DOCK1: variants seen among roughly 807,000 people sequenced by gnomAD.
The protein encoded by DOCK1 is dedicator of cytokinesis protein 1.
Under a neutral mutation model 262.7 loss-of-function variants are expected in DOCK1, and 138 were observed. The observed-to-expected ratio is 0.53, with a 90% CI of 0.46 to 0.61. DOCK1 has a LOEUF of 0.61. Ranked by LOEUF, DOCK1 falls within the 20% of genes least tolerant of loss-of-function variation. The pLI, the probability that DOCK1 is intolerant of heterozygous loss-of-function variation, is 0.00. For synonymous variants in DOCK1, 866 were observed against 867.4 expected, an observed-to-expected ratio of 1.00 and a Z score of 0.03; for missense variants, 1,908 against 2,370.7, an observed-to-expected ratio of 0.80 and a Z score of 4.05.
intron 33 of DOCK1, among the ~76,000 whole-genome samples, chr10:127,362,855 G>A (rs1288075759): frequency 0.025 from 631 of 24,936 alleles, 66 homozygotes; most frequent in Middle Eastern, 0.062. Context: ...ACACACACAT[G>A]TACATCCCCA....
chr10:127,368,052 G>A (rs1195348805), intron 33 of DOCK1, among the ~76,000 whole-genome samples: 3 of 152,142 alleles, frequency 2.0e-5, no homozygotes, highest in Non-Finnish European at 4.4e-5. Context: ...GGCCACTGTG[G>A]ACATCTGGGG....
chr10:127,319,428 C>T (rs892226567), intron 29 of DOCK1, among the ~76,000 whole-genome samples: 3 of 152,136 alleles, frequency 2.0e-5, no homozygotes, highest in Admixed American at 6.5e-5. Context: ...TGCATGTGTT[C>T]GGCGGGCGGG....
Position 127,024,735 on chromosome 10 carries a change from T to G in DOCK1, c.1503T>G (p.Ser501=). The change falls in exon 15 of 52, where the codon TCT becomes TCG. Residue 501 remains serine (S), a synonymous_variant. Coordinates refer to ENST00000623213, the MANE Select transcript of DOCK1 (RefSeq NM_001290223.2). ...AGDEAISEYK[S]VIYYQVKQPR... ...ATGAAGCGATTTCAGAGTACAAATC[T>G]GTGATTTACTACCAAGTAAAGCAGC... 6.2e-7 allele frequency: 1 copy of G among 1,612,660 alleles called. No individual in the cohort carries two copies. The highest frequency in any genetic ancestry group is 2.2e-5 in the East Asian group (1 of 44,862).
In DOCK1 at chr10:127,439,031, G is replaced by C. The variant is rs886680655; in HGVS notation, c.5065G>C (p.Ala1689Pro). The C allele has an allele frequency of 1.1e-5, 17 of 1,550,900 alleles. No homozygotes were observed. The highest frequency in any genetic ancestry group is 1.4e-5 in the African/African-American group (1 of 72,878). Residue 1689 changes from alanine (A) to proline (P), a missense_variant, in exon 49 of 52, where the codon GCC (alanine) becomes CCC (proline). This residue lies in a region of DOCK1 where 383 missense variants were observed against 420.1 expected (regional missense o/e 0.91). Transcript: ENST00000623213. ...TPSRPGSDGF[A>P]LEPLLPKKMH... ...CGTCATTGACCTTTCCTTTAGGTTT[G>C]CCCTGGAGCCTCTCCTGCCAAAGAA... is the stretch of plus-strand genomic sequence containing the variant.
chr10:127,425,454 A>G lies in DOCK1; in HGVS notation c.4777-420A>G, dbSNP rs1439538538. 3.9e-5 allele frequency among the ~76,000 whole-genome samples: 6 copies of G among 152,230 alleles called. No homozygotes were observed. The East Asian group carries it at 7.7e-4, about 20-fold the overall frequency. On this transcript the variant is annotated intron_variant, in intron 46 of 51. Coordinates refer to ENST00000623213, the MANE Select transcript of DOCK1 (RefSeq NM_001290223.2). ...CAAAAAAGGAAGATTTTTCAGGACT[A>G]TAGATCACATGTAATTACCTTTTGG...
At chr10:127,436,353 C>CA (rs1004223672) in intron 48 of DOCK1, among the ~76,000 whole-genome samples, 6 of 152,054 alleles carry the variant, frequency 3.9e-5, no homozygotes, top group African/African-American at 1.4e-4. Flanking sequence ...CCCATCTCTA[C>CA]AAAAAAATAT....
intron 27 of DOCK1, among the ~76,000 whole-genome samples, chr10:127,178,552 C>T (rs540321698): frequency 3.3e-5 from 5 of 152,324 alleles, no homozygotes; most frequent in South Asian, 4.1e-4. Context: ...TGCATTAGCC[C>T]TTGCACCTCT....
At chr10:127,055,236 G>C (rs938762427) in intron 22 of DOCK1, among the ~76,000 whole-genome samples, 5 of 152,114 alleles carry the variant, frequency 3.3e-5, no homozygotes, top group African/African-American at 1.2e-4. Flanking sequence ...TGAGGACTCA[G>C]CGTCCTGATG....
chr10:127,373,704 A>T, intron 33 of DOCK1, 77 bp from the exon 34 acceptor site: 1 of 1,336,186 alleles, frequency 7.5e-7, no homozygotes, highest in South Asian at 1.3e-5. Flanking sequence ...TTGCCGATTT[A>T]TGTTCTATTG....
chr10:127,051,177 C>T (rs2044699403), intron 21 of DOCK1, among the ~76,000 whole-genome samples: 1 of 151,860 alleles, frequency 6.6e-6, no homozygotes, highest in Non-Finnish European at 1.5e-5. Flanking sequence ...TAAATGTTTT[C>T]ATATTAGGAT....
chr10:127,177,953 C>A (rs1268300294), intron 27 of DOCK1, among the ~76,000 whole-genome samples: 1 of 152,190 alleles, frequency 6.6e-6, no homozygotes, highest in East Asian at 1.9e-4. Flanking sequence ...GAGCAGGACC[C>A]TACTTTAGTG....
chr10:126,977,336 G>A (rs2038622942), intron 2 of DOCK1, among the ~76,000 whole-genome samples: 2 of 152,166 alleles, frequency 1.3e-5, no homozygotes, highest in African/African-American at 2.4e-5. Flanking sequence ...CTCGCCACTT[G>A]GAAGGAGCGA....
At chr10:127,035,457 T>C (rs369544603) in intron 18 of DOCK1, among the ~76,000 whole-genome samples, 7 of 152,124 alleles carry the variant, frequency 4.6e-5, no homozygotes, top group African/African-American at 1.4e-4. Flanking sequence ...GGCAGCCTCA[T>C]GGGGGCTGGA....
intron 29 of DOCK1, among the ~76,000 whole-genome samples, chr10:127,322,584 C>T (rs951541442): frequency 3.9e-5 from 6 of 152,114 alleles, no homozygotes; most frequent in African/African-American, 1.4e-4. Context: ...GTGTGTGTCC[C>T]ACAAGCTAGG....
At chr10:127,407,802 C>T (rs1225507330) in intron 40 of DOCK1, among the ~76,000 whole-genome samples, 1 of 152,084 alleles carries the variant, frequency 6.6e-6, no homozygotes, top group African/African-American at 2.4e-5. Flanking sequence ...AGAAGCACCT[C>T]AGCAACCACG....
intron 23 of DOCK1, among the ~76,000 whole-genome samples, chr10:127,070,576 A>G (rs2046170186): frequency 6.6e-6 from 1 of 151,872 alleles, no homozygotes; most frequent in Non-Finnish European, 1.5e-5. Flanking sequence ...TGAAGGACAC[A>G]GTTTCACCCA....
chr10:127,268,555 T>G (rs2060455023), intron 29 of DOCK1, among the ~76,000 whole-genome samples: 1 of 150,960 alleles, frequency 6.6e-6, no homozygotes, highest in Non-Finnish European at 1.5e-5. Flanking sequence ...TATATGTGAT[T>G]TATTGCAGTG....
At chr10:127,441,652 A>C (rs1373500220) in intron 49 of DOCK1, among the ~76,000 whole-genome samples, 1 of 151,986 alleles carries the variant, frequency 6.6e-6, no homozygotes, top group Non-Finnish European at 1.5e-5. Context: ...GTTCACAGGA[A>C]CAGAAGCAGC....
chr10:127,208,960 G>A (rs949744150), intron 27 of DOCK1, among the ~76,000 whole-genome samples: 2 of 152,148 alleles, frequency 1.3e-5, no homozygotes, highest in Admixed American at 1.3e-4. Context: ...CTTACCAAGT[G>A]GTCGTTAATA....
Sources: gnomAD v4.1 joint callset for allele counts (sites outside exome capture counted in the v4.1 genomes callset) on GRCh38, gnomAD v4.1.1 for gene constraint, gnomAD v4.1.1 regional missense constraint, MANE v1.5 for transcripts, NCBI Gene and HGNC (gene_info 2026-07-23, HGNC 2026-07-21) for gene names.